Variants in GAS7 observed in about 807,000 individuals in gnomAD.
The protein encoded by GAS7 is growth arrest-specific protein 7.
GAS7 carries 28 observed loss-of-function variants against 71.1 expected under a neutral mutation model. The observed-to-expected ratio is 0.39, with a 90% CI of 0.29 to 0.54. GAS7 has a LOEUF of 0.54. Among genes scored for constraint, GAS7 ranks in the 20% least tolerant of loss-of-function variants. The pLI is 0.62. For missense variants in GAS7, 436 were observed against 627.8 expected (o/e 0.69, Z 3.27); for synonymous variants, 258 against 245.8 (o/e 1.05, Z -0.46).
chr17:10,157,428 C>T (rs192921240), intron 1 of GAS7, among the ~76,000 whole-genome samples: 16 of 152,254 alleles, frequency 1.1e-4, no homozygotes, highest in African/African-American at 2.9e-4. Flanking sequence ...CTCTGGCAGC[C>T]GTTGGTCAAA....
At chr17:10,162,669 A>G (rs1348114330) in intron 1 of GAS7, among the ~76,000 whole-genome samples, 1 of 152,266 alleles carries the variant, frequency 6.6e-6, no homozygotes, top group East Asian at 1.9e-4. Flanking sequence ...CTATGAATCA[A>G]TAACTTGTCA....
chr17:9,971,771 T>C (rs1461073408), intron 3 of GAS7, among the ~76,000 whole-genome samples: 3 of 152,184 alleles, frequency 2.0e-5, no homozygotes, highest in Non-Finnish European at 2.9e-5. Context: ...GTCCAACTCA[T>C]GATTCTTCTA....
chr17:10,182,999 C>T (rs1260047676), intron 1 of GAS7, among the ~76,000 whole-genome samples: 1 of 152,158 alleles, frequency 6.6e-6, no homozygotes, highest in South Asian at 2.1e-4. Context: ...AGGTAAGAAG[C>T]CATTAAGACT....
chr17:10,143,140 C>T (rs2074096096), intron 1 of GAS7, among the ~76,000 whole-genome samples: 1 of 152,148 alleles, frequency 6.6e-6, no homozygotes, highest in Non-Finnish European at 1.5e-5. Flanking sequence ...TGAGATTGTG[C>T]CGCTACATTC....
At chr17:9,946,823 T>G in intron 6 of GAS7, 71 bp downstream of exon 6, 1 of 925,228 alleles carries the variant, frequency 1.1e-6, no homozygotes, top group Non-Finnish European at 1.7e-6. Context: ...TCCAGGTCCC[T>G]CCTACCCATC....
At chr17:10,013,959 G>A (rs565103568) in intron 2 of GAS7, among the ~76,000 whole-genome samples, 1 of 152,238 alleles carries the variant, frequency 6.6e-6, no homozygotes, top group African/African-American at 2.4e-5. Context: ...ACCCTCTGTG[G>A]CTGGGCAGGT....
intron 1 of GAS7, among the ~76,000 whole-genome samples, chr17:10,193,695 C>T (rs1032371612): frequency 1.1e-4 from 16 of 152,128 alleles, no homozygotes; most frequent in African/African-American, 3.6e-4. Flanking sequence ...TGGAGAAAGG[C>T]GCCACATGGA....
At chr17:10,167,042 G>GTCTTT (rs2074299375) in intron 1 of GAS7, among the ~76,000 whole-genome samples, 4 of 46,608 alleles carry the variant, frequency 8.6e-5, no homozygotes, top group African/African-American at 3.9e-4. Flanking sequence ...ATTTCCATTT[G>GTCTTT]TCTTTTTTTT....
intron 7 of GAS7, among the ~76,000 whole-genome samples, chr17:9,940,741 GGCT>G (rs1480547782): frequency 6.6e-6 from 1 of 152,218 alleles, no homozygotes; most frequent in Non-Finnish European, 1.5e-5. Flanking sequence ...CAGTGCCCAG[GGCT>G]GCAGGTAGAT....
At chr17:10,157,092 G>T (rs1294059491) in intron 1 of GAS7, among the ~76,000 whole-genome samples, 1 of 152,178 alleles carries the variant, frequency 6.6e-6, no homozygotes, top group Admixed American at 6.6e-5. Flanking sequence ...GCTCCTCCCC[G>T]GACACAGACC....
At chr17:9,923,377 CAA>C (rs11316459) in intron 11 of GAS7, among the ~76,000 whole-genome samples, 188 of 144,798 alleles carry the variant, frequency 1.3e-3, no homozygotes, top group African/African-American at 4.1e-3. Flanking sequence ...GACAAACAAG[CAA>C]AAAAAAAAAA....
chr17:10,138,146 T>C (rs987814748), intron 1 of GAS7, among the ~76,000 whole-genome samples: 20 of 151,510 alleles, frequency 1.3e-4, no homozygotes, highest in Admixed American at 1.3e-3. Context: ...TTTGTATTTT[T>C]AGTAGAGACC....
chr17:9,924,480 AT>A (rs1270621520), intron 11 of GAS7, among the ~76,000 whole-genome samples: 1 of 151,354 alleles, frequency 6.6e-6, no homozygotes, highest in Non-Finnish European at 1.5e-5. Flanking sequence ...CCTATAAGTT[AT>A]TTTTTTAATA....
In GAS7 at chr17:9,916,276, A is replaced by G; in HGVS notation, c.*952T>C. On this transcript the variant is annotated 3_prime_UTR_variant, in exon 14 of 14. Coordinates refer to ENST00000432992, the MANE Select transcript of GAS7 (RefSeq NM_201433.2). ...GAGCCTGTGGTGGGCGGCCCGGGAG[A>G]GTGGGGGCCAGGGCAGCCCAAAGGT... is the stretch of plus-strand genomic sequence containing the variant. 1 of 233,234 alleles carries G rather than the reference A, an allele frequency of 4.3e-6. No homozygotes were observed. Among genetic ancestry groups the G allele is most frequent in the Non-Finnish European group, 8.5e-6 (1 of 118,030 alleles). The allele number at this position is 233,234 out of a possible 1,614,324, so 14.4% of individuals were successfully genotyped here. A position where few individuals can be genotyped will look rare whatever the true frequency, so the allele number is the denominator to read the frequency against.
At chr17:9,927,830 G>A (rs1338573674) in intron 9 of GAS7, among the ~76,000 whole-genome samples, 1 of 152,178 alleles carries the variant, frequency 6.6e-6, no homozygotes, top group African/African-American at 2.4e-5. Flanking sequence ...GGAACTGTTG[G>A]AGACCTGCTG....
At chr17:10,116,854 A>C (rs551676322) in intron 1 of GAS7, among the ~76,000 whole-genome samples, 9 of 152,148 alleles carry the variant, frequency 5.9e-5, no homozygotes, top group African/African-American at 2.2e-4. Context: ...CAGACAGGTC[A>C]ATGATCCAGT....
intron 2 of GAS7, among the ~76,000 whole-genome samples, chr17:10,003,369 T>C (rs914451954): frequency 6.6e-6 from 1 of 152,238 alleles, no homozygotes; most frequent in Admixed American, 6.5e-5. Flanking sequence ...ATATTGATTA[T>C]GAAAACAGTG....
chr17:10,083,188 A>G (rs971767061), intron 1 of GAS7, among the ~76,000 whole-genome samples: 2 of 152,242 alleles, frequency 1.3e-5, no homozygotes, highest in Admixed American at 6.5e-5. Flanking sequence ...TACATTTGTT[A>G]ACATCTCTGT....
intron 1 of GAS7, among the ~76,000 whole-genome samples, chr17:10,036,173 T>A (rs538191481): frequency 6.6e-6 from 1 of 151,534 alleles, no homozygotes; most frequent in South Asian, 2.1e-4. Context: ...CCTTCATAAA[T>A]CTTTCTCCTC....
Sources: allele counts gnomAD v4.1 joint callset (sites outside exome capture counted in the v4.1 genomes callset), GRCh38; gene constraint gnomAD v4.1.1; transcripts MANE v1.5; gene names NCBI Gene and HGNC (gene_info 2026-07-23, HGNC 2026-07-21).